Variants in WHRN observed in about 807,000 individuals in gnomAD.
The protein encoded by WHRN is CASK-interacting protein CIP98.
Under a neutral mutation model 68.3 loss-of-function variants are expected in WHRN, and 41 were observed. That is an observed-to-expected ratio of 0.60 (90% CI 0.47 to 0.78). WHRN has a LOEUF of 0.78. Among genes scored for constraint, WHRN ranks in the 30% least tolerant of loss-of-function variants. The probability of loss-of-function intolerance (pLI) is 0.00; values close to 1 mark genes in which losing one functional copy is unlikely to be tolerated. For synonymous variants in WHRN, 560 were observed against 561.3 expected (o/e 1.00, Z 0.03); for missense variants, 1,243 against 1,244.7 (o/e 1.00, Z 0.02).
intron 2 of WHRN, among the ~76,000 whole-genome samples, chr9:114,470,066 A>G (rs149137719): frequency 1.6e-4 from 25 of 152,328 alleles, no homozygotes; most frequent in Middle Eastern, 3.4e-3. Context: ...CGTCAAGACC[A>G]TCACGTACTC....
chr9:114,404,225 G>A, intron 9 of WHRN, 148 bp from the exon 10 acceptor site: 1 of 903,194 alleles, frequency 1.1e-6, no homozygotes, highest in Non-Finnish European at 1.8e-6. Context: ...CGTGGGGCCA[G>A]AGGGCAGGTC....
intron 2 of WHRN, among the ~76,000 whole-genome samples, chr9:114,469,112 T>C (rs937156780): frequency 2.0e-5 from 3 of 151,492 alleles, no homozygotes; most frequent in African/African-American, 7.3e-5. Flanking sequence ...TTGTGTAGAG[T>C]GCGTAGGGTC....
chr9:114,497,120 T>C (rs1360823686), intron 1 of WHRN, among the ~76,000 whole-genome samples: 2 of 152,238 alleles, frequency 1.3e-5, no homozygotes, highest in African/African-American at 2.4e-5. Flanking sequence ...TATCCTTTTT[T>C]ACATCATTTT....
chr9:114,451,508 G>T (rs977398192), intron 3 of WHRN, among the ~76,000 whole-genome samples: 4 of 152,120 alleles, frequency 2.6e-5, no homozygotes, highest in African/African-American at 9.7e-5. Context: ...TTATGGCATT[G>T]TTATTATGGA....
intron 1 of WHRN, among the ~76,000 whole-genome samples, chr9:114,496,988 G>A (rs1843514245): frequency 6.6e-6 from 1 of 152,196 alleles, no homozygotes; most frequent in Non-Finnish European, 1.5e-5. Context: ...GAATCCTAAA[G>A]GAAGACAGTG....
intron 4 of WHRN, 118 bp from the exon 5 acceptor site, chr9:114,425,142 G>A (rs912457031): frequency 2.0e-6 from 2 of 1,006,032 alleles, no homozygotes; most frequent in Non-Finnish European, 3.2e-6. Context: ...ATGCATCGTG[G>A]CCTCCACTCG....
Position 114,406,346 on chromosome 9 carries a change from T to C in WHRN, c.2236+9A>G. The C allele has an allele frequency of 1.9e-6, 3 of 1,614,016 alleles. No homozygotes were observed. Among genetic ancestry groups the C allele is most frequent in the Non-Finnish European group, 2.5e-6 (3 of 1,180,032 alleles). On this transcript the variant is annotated intron_variant, in intron 9 of 11. Transcript: ENST00000362057. The stretch of plus-strand genomic sequence containing the variant: ...CAAGGACCACAGAGCCTGGCCTTGC[T>C]GTACTCACTGCGCGTCTGGGGCAGC...
rs1358104554 is a variant in WHRN at position 114,408,019 on chromosome 9, C to T, written c.1627-1G>A. On this transcript the variant is annotated splice_acceptor_variant, in intron 7 of 11. Coordinates refer to ENST00000362057, the MANE Select transcript of WHRN (RefSeq NM_015404.4). LOFTEE classifies it high-confidence loss of function. ...CAGTTTCCTCCAGGTCCAGAGTGTT[C>T]TAGAAATGGACGAGAAAGCAAAGTG... The T allele has an allele frequency of 2.5e-6, 4 of 1,597,600 alleles. No homozygotes were observed. Among genetic ancestry groups the T allele is most frequent in the Non-Finnish European group, 3.4e-6 (4 of 1,171,096 alleles).
intron 2 of WHRN, among the ~76,000 whole-genome samples, chr9:114,467,501 CGA>C (rs1840818275): frequency 6.7e-6 from 1 of 150,172 alleles, no homozygotes; most frequent in Non-Finnish European, 1.5e-5. Flanking sequence ...GGAGGGTGAG[CGA>C]GAGTCAGCCG....
At chr9:114,427,993 A>G (rs1433947677) in intron 3 of WHRN, among the ~76,000 whole-genome samples, 3 of 152,086 alleles carry the variant, frequency 2.0e-5, no homozygotes, top group Non-Finnish European at 2.9e-5. Flanking sequence ...GCCTCTCCAC[A>G]CTGTATCCCC....
At chr9:114,403,133 T>C (rs1010957151) in intron 11 of WHRN, 84 bp downstream of exon 11, 3 of 1,594,344 alleles carry the variant, frequency 1.9e-6, no homozygotes, top group Middle Eastern at 1.7e-4. Context: ...GTGTTACCCA[T>C]GGGAGTCGCA....
chr9:114,485,650 C>G (rs996375372), intron 1 of WHRN, among the ~76,000 whole-genome samples: 3 of 151,984 alleles, frequency 2.0e-5, no homozygotes, highest in Admixed American at 6.6e-5. Flanking sequence ...CAAGATTGCA[C>G]CACTGCACTA....
chr9:114,413,373 G>C (rs1415200337), intron 7 of WHRN, among the ~76,000 whole-genome samples: 3 of 152,224 alleles, frequency 2.0e-5, no homozygotes, highest in African/African-American at 7.2e-5. Context: ...TGTGATCCCA[G>C]GAAAGGCTAC....
intron 2 of WHRN, among the ~76,000 whole-genome samples, chr9:114,474,146 C>A (rs999717511): frequency 6.6e-6 from 1 of 152,168 alleles, no homozygotes; most frequent in Non-Finnish European, 1.5e-5. Flanking sequence ...CAATCTCATC[C>A]TGAATATGCA....
At chr9:114,436,517 C>T (rs1483881723) in intron 3 of WHRN, among the ~76,000 whole-genome samples, 2 of 152,036 alleles carry the variant, frequency 1.3e-5, no homozygotes, top group African/African-American at 4.8e-5. Flanking sequence ...TTCTGTAAAC[C>T]TAAAGCTGCT....
chr9:114,504,892 G>A lies in WHRN; in HGVS notation c.-91C>T, dbSNP rs2297814. 0.35 allele frequency: 470,283 copies of A among 1,325,342 alleles called. 85,558 individuals are homozygous for A. The highest frequency in any genetic ancestry group is 0.37 in the Non-Finnish European group (387,919 of 1,045,790). The allele number at this position is 1,325,342 out of a possible 1,614,324, so 82.1% of individuals were successfully genotyped here. On this transcript the variant is annotated 5_prime_UTR_variant, in exon 1 of 12. Transcript: ENST00000362057. ...GTACTGGCGCGACAGCTGGATCCCC[G>A]GGAGCGCGGAGACGACGGCTGGAGC... is the stretch of plus-strand genomic sequence containing the variant.
At position 114,457,046 on chromosome 9, in the gene WHRN, T is replaced by C. The variant is rs140677088; in HGVS notation, c.963+9221A>G. Among the ~76,000 whole-genome samples, 4 of 152,300 alleles carry C rather than the reference T, an allele frequency of 2.6e-5. No homozygotes were observed. The East Asian group carries it at 7.7e-4, about 29-fold the overall frequency. On this transcript the variant is annotated intron_variant, in intron 3 of 11. Transcript: ENST00000362057. ...AAAAGAAAAAAATACTGTGTATGTA[T>C]ATACACAGAGATGAATACATACAGA...
At chr9:114,425,387 A>T in intron 4 of WHRN, 1 of 574,290 alleles carries the variant, frequency 1.7e-6, no homozygotes, top group Non-Finnish European at 3.1e-6. Flanking sequence ...GGGGCCGGTG[A>T]ACTGGAGATC....
At chr9:114,413,332 C>G (rs1342709679) in intron 7 of WHRN, among the ~76,000 whole-genome samples, 1 of 152,202 alleles carries the variant, frequency 6.6e-6, no homozygotes, top group African/African-American at 2.4e-5. Context: ...AGTCCGGTGG[C>G]ACGGCCAGAG....
Sources: allele counts gnomAD v4.1 joint callset (sites outside exome capture counted in the v4.1 genomes callset), GRCh38; gene constraint gnomAD v4.1.1; transcripts MANE v1.5; gene names NCBI Gene and HGNC (gene_info 2026-07-23, HGNC 2026-07-21).